Variants in MAPK8IP1 observed in about 807,000 individuals in gnomAD.
The protein encoded by MAPK8IP1 is C-Jun-amino-terminal kinase-interacting protein 1.
MAPK8IP1 carries 17 observed loss-of-function variants against 72.6 expected under a neutral mutation model. The ratio of observed to expected loss-of-function variants is 0.23; its 90% CI spans 0.16 to 0.35. MAPK8IP1 has a LOEUF of 0.35. MAPK8IP1 is among the 10% of genes least tolerant of loss of function. The probability of loss-of-function intolerance (pLI) is 1.00; values close to 1 mark genes in which losing one functional copy is unlikely to be tolerated. For missense variants in MAPK8IP1, 789 were observed against 1,009.7 expected, an observed-to-expected ratio of 0.78 and a Z score of 2.96; for synonymous variants, 401 against 443.4, an observed-to-expected ratio of 0.90 and a Z score of 1.20.
In MAPK8IP1 at chr11:45,902,682, C is replaced by A; in HGVS notation, c.915C>A (p.Ser305Arg). ...CCGCCTTCCTGCCGCCCACTGAGAGCCGGATGTCAGTCAGCTCCGATCCAG... is the reference window on the plus strand; with the variant it reads ...CCGCCTTCCTGCCGCCCACTGAGAGACGGATGTCAGTCAGCTCCGATCCAG... ...PTSAFLPPTESRMSVSSDPDP... is the reference protein window; with the variant it reads ...PTSAFLPPTERRMSVSSDPDP... Residue 305 changes from serine (S) to arginine (R), a missense_variant, in exon 5 of 12, where the codon AGC becomes AGA. Ser to Arg is a moderately radical substitution (Grantham distance 110). This residue lies in a region of MAPK8IP1 where 377 missense variants were observed against 411.7 expected (regional missense o/e 0.92). Transcript: ENST00000241014. The surrounding 1 kb of genome is among the most constrained non-coding windows in gnomAD (Gnocchi z 9.3). 6.2e-7 allele frequency: 1 copy of A among 1,611,510 alleles called. No homozygotes were observed.
chr11:45,904,648 AG>A lies in MAPK8IP1; in HGVS notation c.1777-68del. 1.9e-6 allele frequency: 3 copies of A among 1,596,378 alleles called. No homozygotes were observed. Among genetic ancestry groups the A allele is most frequent in the Non-Finnish European group, 2.6e-6 (3 of 1,164,256 alleles). ...GGTGTCTAGAGGCAGTAAAGGGCTCAGGCCCTGGGACAGGAGGGATCAGCAG... is the reference window on the plus strand; with the variant it reads ...GGTGTCTAGAGGCAGTAAAGGGCTCAGCCCTGGGACAGGAGGGATCAGCAG... On this transcript the variant is annotated intron_variant, in intron 8 of 11. Transcript: ENST00000241014. The surrounding 1 kb of genome is among the most constrained non-coding windows in gnomAD (Gnocchi z 6.4).
intron 1 of MAPK8IP1, among the ~76,000 whole-genome samples, chr11:45,891,041 G>A (rs534619113): frequency 2.0e-5 from 3 of 152,334 alleles, no homozygotes; most frequent in Non-Finnish European, 4.4e-5. Flanking sequence ...GCCTTGGCCT[G>A]GCTCCTGATG....
In MAPK8IP1 at chr11:45,896,901, G is replaced by A. The variant is rs777772758; in HGVS notation, c.102-1184G>A. On this transcript the variant is annotated intron_variant, in intron 1 of 11. Transcript: ENST00000241014. ...CTCCATGCAGCTGGTGCTGAAGATG[G>A]ATTCGAGCCCAGACAATGACAGCTG... The A allele has an allele frequency of 7.7e-6, 12 of 1,566,040 alleles. No homozygotes were observed. In the South Asian group the frequency reaches 9.4e-5, roughly 12 times the overall value.
chr11:45,896,781 AG>A (rs1361092912), intron 1 of MAPK8IP1: 10 of 1,523,066 alleles, frequency 6.6e-6, no homozygotes, highest in African/African-American at 1.4e-5. Context: ...TGGAGGCCAG[AG>A]GCCCCCAGCC....
At position 45,900,558 on chromosome 11, in the gene MAPK8IP1, G is replaced by A; in HGVS notation, c.522+106G>A. The A allele has an allele frequency of 7.5e-7, 1 of 1,333,926 alleles. No individual in the cohort carries two copies. Among genetic ancestry groups the A allele is most frequent in the Non-Finnish European group, 1.0e-6 (1 of 989,408 alleles). The allele number at this position is 1,333,926 out of a possible 1,614,324, so 82.6% of individuals were successfully genotyped here. A position where few individuals can be genotyped will look rare whatever the true frequency, so the allele number is the denominator to read the frequency against. On this transcript the variant is annotated intron_variant, in intron 3 of 11. Transcript: ENST00000241014. The surrounding 1 kb of genome is among the most constrained non-coding windows in gnomAD (Gnocchi z 6.5). ...GGGCACCCACGGGTCCAGTGCCTGGGGACAGCGCCTGCATAGGGGCCGCGG... is the reference window on the plus strand; with the variant it reads ...GGGCACCCACGGGTCCAGTGCCTGGAGACAGCGCCTGCATAGGGGCCGCGG...
Position 45,903,335 on chromosome 11 carries a change from C to T in MAPK8IP1, c.1418-30C>T. 1 of 1,609,558 alleles carries T rather than the reference C, an allele frequency of 6.2e-7. No homozygotes were observed. The highest frequency in any genetic ancestry group is 8.5e-7 in the Non-Finnish European group (1 of 1,176,562). ...CTAAACCTGGATCAGAGCTGCGACC[C>T]CCCATCCAGCCACACCACCTCACCT... On this transcript the variant is annotated intron_variant, in intron 5 of 11. Transcript: ENST00000241014. The surrounding 1 kb of genome is among the most constrained non-coding windows in gnomAD (Gnocchi z 6.4).
intron 1 of MAPK8IP1, chr11:45,896,437 T>G: frequency 5.1e-6 from 4 of 786,160 alleles, no homozygotes; most frequent in African/African-American, 1.9e-5. Context: ...GGGCTGGCTT[T>G]TGGGGGGAAA....
At chr11:45,887,076 T>C (rs2086532795) in intron 1 of MAPK8IP1, among the ~76,000 whole-genome samples, 1 of 152,176 alleles carries the variant, frequency 6.6e-6, no homozygotes, top group African/African-American at 2.4e-5. Context: ...TGCAGCTCTC[T>C]GATAATGCCT....
At position 45,902,249 on chromosome 11, in the gene MAPK8IP1, C is replaced by T. The variant is rs75998606; in HGVS notation, c.605-123C>T. 4.2e-5 allele frequency: 43 copies of T among 1,014,146 alleles called. No homozygotes were observed. The highest frequency in any genetic ancestry group is 1.9e-4 in the African/African-American group (12 of 62,704). 62.8% of individuals were successfully genotyped at this position (1,014,146 alleles called of 1,614,324 possible). On this transcript the variant is annotated intron_variant, in intron 4 of 11. Coordinates refer to ENST00000241014, the MANE Select transcript of MAPK8IP1 (RefSeq NM_005456.4). The surrounding 1 kb of genome is among the most constrained non-coding windows in gnomAD (Gnocchi z 9.3). ...GTGAGTTGACTGGCCCCAGAGCCTG[C>T]GAAGGGCCTGTTGCCCAGGGAGGCT...
rs572105235 is a variant in MAPK8IP1 at position 45,903,759 on chromosome 11, A to G, written c.1494-230A>G. ...AGCCTGCGCTTCCCACAGCCTCTCC[A>G]TTTTAGAGGGGGCCCTGCCCACACC... On this transcript the variant is annotated intron_variant, in intron 6 of 11. Transcript: ENST00000241014. This position sits in a 1 kb window ranked among gnomAD's most constrained non-coding sequence, Gnocchi z 6.4. 5.3e-5 allele frequency among the ~76,000 whole-genome samples: 8 copies of G among 151,904 alleles called. No homozygotes were observed. The highest frequency in any genetic ancestry group is 1.9e-4 in the African/African-American group (8 of 41,442).
rs961658445 is a variant in MAPK8IP1 at position 45,902,919 on chromosome 11, G to A, written c.1152G>A (p.Val384=). The change falls in exon 5 of 12, where the codon GTG becomes GTA. Residue 384 remains valine (V), a synonymous_variant. Coordinates refer to ENST00000241014, the MANE Select transcript of MAPK8IP1 (RefSeq NM_005456.4). This position sits in a 1 kb window ranked among gnomAD's most constrained non-coding sequence, Gnocchi z 9.3. ...ATGACTCTGTCAAGTACACGCTGGT[G>A]GTAGATGAGCATGCACAGCTGGAGC... ...LSYDSVKYTL[V]VDEHAQLELV... 6.2e-7 allele frequency: 1 copy of A among 1,610,410 alleles called. No homozygotes were observed. The highest frequency in any genetic ancestry group is 8.5e-7 in the Non-Finnish European group (1 of 1,178,968).
At position 45,896,643 on chromosome 11, in the gene MAPK8IP1, C is replaced by T. The variant is rs1234228491; in HGVS notation, c.102-1442C>T. On this transcript the variant is annotated intron_variant, in intron 1 of 11. Coordinates refer to ENST00000241014, the MANE Select transcript of MAPK8IP1 (RefSeq NM_005456.4). ...GGAGGAAGGTGCCTGCAGCTGAGGG[C>T]TGCGCTGGGAAGAGCTGGGGCTGGG... 5.0e-6 allele frequency: 7 copies of T among 1,386,152 alleles called. No homozygotes were observed. The Admixed American group carries it at 1.2e-4, about 23-fold the overall frequency. 85.9% of individuals were successfully genotyped at this position (1,386,152 alleles called of 1,614,324 possible). A position where few individuals can be genotyped will look rare whatever the true frequency, so the allele number is the denominator to read the frequency against.
Position 45,902,357 on chromosome 11 carries a change from C to G in MAPK8IP1, c.605-15C>G, listed in dbSNP as rs1266784883. 5.8e-6 allele frequency: 9 copies of G among 1,549,324 alleles called. No individual in the cohort carries two copies. The highest frequency in any genetic ancestry group is 1.8e-4 in the Middle Eastern group (1 of 5,654). ...GGGAGAGAGCCCCTGCCTTCATGACCTGCCTGCTCTCCAGGGGAGCAGACA... is the reference window on the plus strand; with the variant it reads ...GGGAGAGAGCCCCTGCCTTCATGACGTGCCTGCTCTCCAGGGGAGCAGACA... On this transcript the variant is annotated splice_polypyrimidine_tract_variant and intron_variant, in intron 4 of 11. Coordinates refer to ENST00000241014, the MANE Select transcript of MAPK8IP1 (RefSeq NM_005456.4). This position sits in a 1 kb window ranked among gnomAD's most constrained non-coding sequence, Gnocchi z 9.3.
At position 45,904,303 on chromosome 11, in the gene MAPK8IP1, G is replaced by A; in HGVS notation, c.1666+142G>A. ...GATTTTAGGTCCTTTTCACGATCAA[G>A]CAAAGTGAGGCCCGGCCAAGTTGGG... On this transcript the variant is annotated intron_variant, in intron 7 of 11. Coordinates refer to ENST00000241014, the MANE Select transcript of MAPK8IP1 (RefSeq NM_005456.4). This position sits in a 1 kb window ranked among gnomAD's most constrained non-coding sequence, Gnocchi z 6.4. 1 of 1,216,466 alleles carries A rather than the reference G, an allele frequency of 8.2e-7. No individual in the cohort carries two copies. Among genetic ancestry groups the A allele is most frequent in the Non-Finnish European group, 1.2e-6 (1 of 843,184 alleles). 75.4% of individuals were successfully genotyped at this position (1,216,466 alleles called of 1,614,324 possible).
chr11:45,895,629 AAAAAAT>A (rs1565071860), intron 1 of MAPK8IP1, among the ~76,000 whole-genome samples: 4 of 28,698 alleles, frequency 1.4e-4, no homozygotes, highest in African/African-American at 3.1e-4. Context: ...CAAAAAAAAA[AAAAAAT>A]ATATATATAT....
In MAPK8IP1 at chr11:45,902,484, C is replaced by T; in HGVS notation, c.717C>T (p.Arg239=). Residue 239 remains arginine (R), a synonymous_variant, in exon 5 of 12, where the codon CGC becomes CGT. Coordinates refer to ENST00000241014, the MANE Select transcript of MAPK8IP1 (RefSeq NM_005456.4). The surrounding 1 kb of genome is among the most constrained non-coding windows in gnomAD (Gnocchi z 9.3). ...CCTCCACCGACAGCCCTTGCCGCCG[C>T]AGCACAGCCACCCAGATGGCACCTC... ...RGTSTDSPCR[R]STATQMAPPG... is the part of the protein sequence containing the mutation. 1 of 1,606,300 alleles carries T rather than the reference C, an allele frequency of 6.2e-7. No homozygotes were observed. The highest frequency in any genetic ancestry group is 8.5e-7 in the Non-Finnish European group (1 of 1,177,124).
chr11:45,894,862 G>A (rs1361434002), intron 1 of MAPK8IP1, among the ~76,000 whole-genome samples: 1 of 152,228 alleles, frequency 6.6e-6, no homozygotes, highest in East Asian at 1.9e-4. Flanking sequence ...GGAAGTGGGT[G>A]TTTCTGAGGG....
At chr11:45,895,208 G>A (rs893513640) in intron 1 of MAPK8IP1, among the ~76,000 whole-genome samples, 1 of 152,166 alleles carries the variant, frequency 6.6e-6, no homozygotes, top group African/African-American at 2.4e-5. Flanking sequence ...GAGTGGGATG[G>A]TGCAGGCATA....
Position 45,900,136 on chromosome 11 carries a change from AG to A in MAPK8IP1, c.208-1del. ...CCTGACGCCCCTCCGTGCGCTGTGC[AG>A]CCCCCGCGCGCCGGGCTGCTCTCTG... On this transcript the variant is annotated splice_acceptor_variant, in intron 2 of 11. Transcript: ENST00000241014. LOFTEE classifies it high-confidence loss of function. The surrounding 1 kb of genome is among the most constrained non-coding windows in gnomAD (Gnocchi z 6.5). 7.9e-7 allele frequency: 1 copy of A among 1,272,504 alleles called. No homozygotes were observed. 78.8% of individuals were successfully genotyped at this position (1,272,504 alleles called of 1,614,324 possible).
Sources: gnomAD v4.1 joint callset for allele counts (sites outside exome capture counted in the v4.1 genomes callset) on GRCh38, gnomAD v4.1.1 for gene constraint, gnomAD v4.1.1 regional missense constraint, Gnocchi (gnomAD v3.1) non-coding constraint, MANE v1.5 for transcripts, NCBI Gene and HGNC (gene_info 2026-07-23, HGNC 2026-07-21) for gene names.